ILDR2: variants seen among roughly 807,000 people sequenced by gnomAD.
ILDR2 encodes the protein immunoglobulin-like domain-containing receptor 2.
A neutral mutation model predicts 66.8 loss-of-function variants in ILDR2; 25 were observed. That is an observed-to-expected ratio of 0.37 (90% CI 0.27 to 0.52). The LOEUF (loss-of-function observed/expected upper bound fraction) is 0.52. Among genes scored for constraint, ILDR2 ranks in the 20% least tolerant of loss-of-function variants. The probability of loss-of-function intolerance (pLI) is 0.88; values close to 1 mark genes in which losing one functional copy is unlikely to be tolerated. For synonymous variants in ILDR2, 367 were observed against 357.2 expected, an observed-to-expected ratio of 1.03 and a Z score of -0.31; for missense variants, 827 against 876.8, an observed-to-expected ratio of 0.94 and a Z score of 0.72.
chr1:166,975,325 A>C lies in ILDR2; in HGVS notation c.-57T>G, dbSNP rs968605373. 2.6e-6 allele frequency: 4 copies of C among 1,535,592 alleles called. No homozygotes were observed. The African/African-American group carries it at 5.5e-5, about 21-fold the overall frequency. ...GAGGAAAGTGGGAAATGGCTGGAACAGAAGGATCGCTGTCACCCCGCGGCA... is the reference window on the plus strand; with the variant it reads ...GAGGAAAGTGGGAAATGGCTGGAACCGAAGGATCGCTGTCACCCCGCGGCA... On this transcript the variant is annotated 5_prime_UTR_variant, in exon 1 of 10. Coordinates refer to ENST00000271417, the MANE Select transcript of ILDR2 (RefSeq NM_199351.3).
rs574358386 is a variant in ILDR2 at position 166,970,671 on chromosome 1, A to G, written c.46+4552T>C. ...TAGGTACTTGCACCGTAGTGCGAGT[A>G]GTGCAAGACTACTCATACTGATACT... is the stretch of plus-strand genomic sequence containing the variant. On this transcript the variant is annotated intron_variant, in intron 1 of 9. Transcript: ENST00000271417. 2.8e-4 allele frequency among the ~76,000 whole-genome samples: 43 copies of G among 152,346 alleles called. No individual in the cohort carries two copies. The South Asian group carries it at 7.3e-3, about 26-fold the overall frequency.
At chr1:166,900,529 C>G (rs1370348680) in intron 2 of ILDR2, among the ~76,000 whole-genome samples, 1 of 152,162 alleles carries the variant, frequency 6.6e-6, no homozygotes, top group Admixed American at 6.5e-5. Context: ...ACAATATTCT[C>G]TAATATTAAT....
chr1:166,965,570 GTTTTTTTTTTTGTTT>G (rs1404612025), intron 1 of ILDR2, among the ~76,000 whole-genome samples: 6 of 127,404 alleles, frequency 4.7e-5, no homozygotes, highest in African/African-American at 1.9e-4. Context: ...GTTAGGTTTT[GTTTTTTTTTTTGTTT>G]TTTTTTTGAC....
intron 1 of ILDR2, among the ~76,000 whole-genome samples, chr1:166,965,833 A>G (rs577638559): frequency 6.6e-6 from 1 of 151,556 alleles, no homozygotes; most frequent in African/African-American, 2.4e-5. Context: ...TTGTTTTTAC[A>G]GTTTTAACAT....
rs1367614280 is a variant in ILDR2 at position 166,936,193 on chromosome 1, A to T, written c.703+398T>A. ...GGTGCCCAAAGGCCACAGTTTGCAC[A>T]CTCTTCTCATATAAAAAGGAACTTC... On this transcript the variant is annotated intron_variant, in intron 5 of 9. Transcript: ENST00000271417. The surrounding 1 kb of genome is among the most constrained non-coding windows in gnomAD (Gnocchi z 5.0). Among the ~76,000 whole-genome samples, 1 of 151,992 alleles carries T rather than the reference A, an allele frequency of 6.6e-6. No individual in the cohort carries two copies. Among genetic ancestry groups the T allele is most frequent in the Non-Finnish European group, 1.5e-5 (1 of 67,984 alleles).
Position 166,915,108 on chromosome 1 carries a change from G to A in ILDR2, c.*4247C>T, listed in dbSNP as rs776662498. ...CTGTAATTCTTGTTGTCTGTTCTGAGACTGTCACAATAGATCACTGTTCTG... is the reference window on the plus strand; with the variant it reads ...CTGTAATTCTTGTTGTCTGTTCTGAAACTGTCACAATAGATCACTGTTCTG... On this transcript the variant is annotated 3_prime_UTR_variant, in exon 10 of 10. Coordinates refer to ENST00000271417, the MANE Select transcript of ILDR2 (RefSeq NM_199351.3). The A allele has an allele frequency of 1.3e-5, 2 of 152,274 alleles. No individual in the cohort carries two copies. Among genetic ancestry groups the A allele is most frequent in the South Asian group, 2.1e-4 (1 of 4,822 alleles). The allele number at this position is 152,274 out of a possible 1,614,324, so 9.4% of individuals were successfully genotyped here.
chr1:166,951,407 T>C (rs1366161990), intron 3 of ILDR2, among the ~76,000 whole-genome samples: 1 of 152,168 alleles, frequency 6.6e-6, no homozygotes, highest in Middle Eastern at 3.2e-3. Flanking sequence ...GACTTAGCCA[T>C]GCTTGAAGCT....
rs771134828 is a variant in ILDR2 at position 166,935,378 on chromosome 1, G to A, written c.803C>T (p.Pro268Leu). ...SIPSVPLGGA[P>L]SSGMLMDKPH... ...CTTGTCCATCAGCATGCCAGATGAG[G>A]GGGCTCCTCCCAAAGGGACAGAGGG... The change falls in exon 6 of 10, where the codon CCC (proline) becomes CTC (leucine). Residue 268 changes from proline (P) to leucine (L), a missense_variant. Physicochemically the swap from Pro to Leu is moderately conservative, Grantham distance 98. Transcript: ENST00000271417. 11 of 1,614,124 alleles carry A rather than the reference G, an allele frequency of 6.8e-6. No homozygotes were observed. In the East Asian group the frequency reaches 1.8e-4, roughly 26 times the overall value.
At chr1:166,963,625 C>T (rs1226349298) in intron 1 of ILDR2, among the ~76,000 whole-genome samples, 1 of 152,216 alleles carries the variant, frequency 6.6e-6, no homozygotes, top group East Asian at 1.9e-4. Flanking sequence ...TCAGTTCCTG[C>T]TTTAAGGCCT....
At position 166,909,255 on chromosome 1, in the gene ILDR2, G is replaced by C. The variant is rs1002688378; in HGVS notation, c.*10100C>G. 16 of 152,132 alleles carry C rather than the reference G, an allele frequency of 1.1e-4. No homozygotes were observed. The highest frequency in any genetic ancestry group is 1.8e-4 in the Non-Finnish European group (12 of 68,026). 9.4% of individuals were successfully genotyped at this position (152,132 alleles called of 1,614,324 possible). On this transcript the variant is annotated 3_prime_UTR_variant, in exon 10 of 10. Transcript: ENST00000271417. ...AGTTGTGACTCTCAGACTGCTAGTG[G>C]CTATATTCCTGCCTTTTGGAGTAAG...
At chr1:166,970,109 G>C (rs1663195893) in intron 1 of ILDR2, among the ~76,000 whole-genome samples, 1 of 152,204 alleles carries the variant, frequency 6.6e-6, no homozygotes, top group Non-Finnish European at 1.5e-5. Flanking sequence ...TTTGGGACTA[G>C]AAGGGACATT....
intron 2 of ILDR2, among the ~76,000 whole-genome samples, chr1:166,899,115 G>A (rs1017726119): frequency 6.6e-6 from 1 of 151,904 alleles, no homozygotes; most frequent in African/African-American, 2.4e-5. Flanking sequence ...TGATTGGCCG[G>A]GCGCAATGGC....
intron 2 of ILDR2, 134 bp downstream of exon 2, chr1:166,957,635 A>G: frequency 1.3e-6 from 1 of 747,820 alleles, no homozygotes; most frequent in Non-Finnish European, 2.1e-6. Flanking sequence ...TGATGCTCCC[A>G]TTTCCAATAA....
At chr1:166,933,451 C>T in intron 6 of ILDR2, 2 of 461,668 alleles carry the variant, frequency 4.3e-6, no homozygotes, top group Non-Finnish European at 5.7e-6. Context: ...TCCTTCAGGG[C>T]TGCCACCTGA....
intron 2 of ILDR2, among the ~76,000 whole-genome samples, chr1:166,898,885 T>C (rs919852655): frequency 2.7e-5 from 4 of 146,124 alleles, no homozygotes; most frequent in Non-Finnish European, 6.0e-5. Flanking sequence ...CATAGGAAGA[T>C]CCCATCTTAA....
intron 2 of ILDR2, among the ~76,000 whole-genome samples, chr1:166,901,633 G>C (rs1659267242): frequency 6.6e-6 from 1 of 152,152 alleles, no homozygotes. Context: ...TTCCAAAAGG[G>C]AGACAGTTTT....
Position 166,910,131 on chromosome 1 carries a change from C to G in ILDR2, c.*9224G>C, listed in dbSNP as rs1659444758. ...ACGGTTTTTGCTTGTTAAAGAGAAA[C>G]TGGCTTCACCATAATTCTGCAGAAT... On this transcript the variant is annotated 3_prime_UTR_variant, in exon 10 of 10. Transcript: ENST00000271417. 1 of 151,988 alleles carries G rather than the reference C, an allele frequency of 6.6e-6. No homozygotes were observed. The highest frequency in any genetic ancestry group is 2.1e-4 in the South Asian group (1 of 4,812). 9.4% of individuals were successfully genotyped at this position (151,988 alleles called of 1,614,324 possible).
In ILDR2 at chr1:166,913,986, AT is replaced by A. The variant is rs1659543949; in HGVS notation, c.*5368del. The A allele has an allele frequency of 6.6e-6, 1 of 152,062 alleles. No individual in the cohort carries two copies. Among genetic ancestry groups the A allele is most frequent in the East Asian group, 1.9e-4 (1 of 5,172 alleles). 9.4% of individuals were successfully genotyped at this position (152,062 alleles called of 1,614,324 possible). ...CAAAATTTGCTGGACGTGGTGGCAT[AT>A]ATCTGTAGTCCTACCTACTTGGGAG... On this transcript the variant is annotated 3_prime_UTR_variant, in exon 10 of 10. Coordinates refer to ENST00000271417, the MANE Select transcript of ILDR2 (RefSeq NM_199351.3).
At chr1:166,956,585 G>A in intron 3 of ILDR2, 148 bp downstream of exon 3, 1 of 773,464 alleles carries the variant, frequency 1.3e-6, no homozygotes, top group Non-Finnish European at 2.0e-6. Flanking sequence ...TGCTCATAAA[G>A]AGCATATTCT....
Sources: allele counts gnomAD v4.1 joint callset (sites outside exome capture counted in the v4.1 genomes callset), GRCh38; gene constraint gnomAD v4.1.1; non-coding constraint Gnocchi (gnomAD v3.1); transcripts MANE v1.5; gene names NCBI Gene and HGNC (gene_info 2026-07-23, HGNC 2026-07-21).